The following CSMD1 variants were observed in gnomAD, a reference collection of about 807,000 sequenced individuals.
CSMD1 encodes the protein CUB and Sushi multiple domains 1.
A neutral mutation model predicts 417.5 loss-of-function variants in CSMD1; 213 were observed. The ratio of observed to expected loss-of-function variants is 0.51; its 90% confidence interval spans 0.46 to 0.57. CSMD1 has a LOEUF of 0.57. CSMD1 is among the 20% of genes least tolerant of loss of function. The pLI, the probability that CSMD1 is intolerant of heterozygous loss-of-function variation, is 0.00. For missense variants in CSMD1, 6,923 were observed against 4,529.7 expected, an observed-to-expected ratio of 1.53 and a Z score of -15.17; for synonymous variants, 2,862 against 1,736.8, an observed-to-expected ratio of 1.65 and a Z score of -16.11.
chr8:4,552,261 T>G (rs1180975106), intron 2 of CSMD1, among the ~76,000 whole-genome samples: 2 of 152,152 alleles, frequency 1.3e-5, no homozygotes. Flanking sequence ...TCTGCTGTGT[T>G]TCTGCTTCAG....
At chr8:4,477,474 T>C (rs1241793868) in intron 2 of CSMD1, among the ~76,000 whole-genome samples, 1 of 152,218 alleles carries the variant, frequency 6.6e-6, no homozygotes, top group African/African-American at 2.4e-5. Flanking sequence ...GATATTTATA[T>C]TTAATCACTA....
At chr8:3,799,305 G>T (rs1393961661) in intron 5 of CSMD1, among the ~76,000 whole-genome samples, 3 of 150,756 alleles carry the variant, frequency 2.0e-5, no homozygotes, top group Non-Finnish European at 4.4e-5. Flanking sequence ...GTGCAGGTTT[G>T]TTACATATGT....
intron 25 of CSMD1, among the ~76,000 whole-genome samples, chr8:3,286,649 C>A (rs1218750735): frequency 1.4e-5 from 2 of 141,446 alleles, no homozygotes; most frequent in Admixed American, 7.1e-5. Context: ...CTGTTCATAT[C>A]CTTCACCCAC....
intron 5 of CSMD1, among the ~76,000 whole-genome samples, chr8:3,990,987 G>A (rs891110886): frequency 2.0e-5 from 3 of 152,114 alleles, no homozygotes; most frequent in African/African-American, 7.2e-5. Flanking sequence ...AATGTGTCTT[G>A]CAAAAACACA....
At chr8:3,618,562 C>T (rs1014865554) in intron 7 of CSMD1, among the ~76,000 whole-genome samples, 1 of 151,330 alleles carries the variant, frequency 6.6e-6, no homozygotes, top group Non-Finnish European at 1.5e-5. Context: ...GTTTAATTTT[C>T]TCAATATTAT....
At chr8:3,173,357 T>C (rs987261212) in intron 37 of CSMD1, among the ~76,000 whole-genome samples, 3 of 152,164 alleles carry the variant, frequency 2.0e-5, no homozygotes, top group African/African-American at 7.2e-5. Context: ...TTACATTGTT[T>C]TAGATATTTC....
chr8:4,291,953 G>T (rs535886270), intron 3 of CSMD1, among the ~76,000 whole-genome samples: 1 of 152,146 alleles, frequency 6.6e-6, no homozygotes, highest in Non-Finnish European at 1.5e-5. Flanking sequence ...CAGGGAGCCT[G>T]GTGTCCAGAA....
chr8:3,796,926 G>C (rs1025078394), intron 5 of CSMD1, among the ~76,000 whole-genome samples: 8 of 151,614 alleles, frequency 5.3e-5, no homozygotes, highest in Non-Finnish European at 8.9e-5. Flanking sequence ...GCCTAATGAA[G>C]ATTTTGGTTA....
intron 2 of CSMD1, among the ~76,000 whole-genome samples, chr8:4,616,638 T>A (rs1272854018): frequency 2.0e-5 from 3 of 152,184 alleles, no homozygotes; most frequent in African/African-American, 4.8e-5. Context: ...CAGCTGACAT[T>A]GGACATGCCA....
At chr8:3,330,027 A>T (rs1806790346) in intron 23 of CSMD1, among the ~76,000 whole-genome samples, 3 of 152,160 alleles carry the variant, frequency 2.0e-5, no homozygotes. Context: ...GGAGGAATGG[A>T]CTGTATAAGA....
intron 12 of CSMD1, among the ~76,000 whole-genome samples, chr8:3,432,729 T>C (rs942161781): frequency 6.6e-6 from 1 of 152,098 alleles, no homozygotes; most frequent in Non-Finnish European, 1.5e-5. Flanking sequence ...TTGGCCAGGA[T>C]GGTCTTGCTC....
intron 2 of CSMD1, among the ~76,000 whole-genome samples, chr8:4,633,865 A>G (rs1802682802): frequency 6.6e-6 from 1 of 152,072 alleles, no homozygotes; most frequent in African/African-American, 2.4e-5. Context: ...TTAGCCCAAG[A>G]CATGTTAAAA....
intron 37 of CSMD1, among the ~76,000 whole-genome samples, chr8:3,180,744 C>T (rs553847209): frequency 5.9e-5 from 9 of 152,208 alleles, no homozygotes; most frequent in African/African-American, 2.2e-4. Flanking sequence ...ATTCTCCTGC[C>T]TCAGCCTCTT....
At chr8:4,826,390 G>C (rs144541682) in intron 1 of CSMD1, among the ~76,000 whole-genome samples, 247 of 152,226 alleles carry the variant, frequency 1.6e-3, no homozygotes, top group African/African-American at 5.8e-3. Context: ...TCCTGCATAT[G>C]CAACAGCATG....
intron 1 of CSMD1, among the ~76,000 whole-genome samples, chr8:4,843,429 G>A (rs994495609): frequency 4.9e-5 from 7 of 142,250 alleles, no homozygotes; most frequent in Admixed American, 1.3e-4. Context: ...TACATTTGGA[G>A]AGATTACAAC....
intron 5 of CSMD1, among the ~76,000 whole-genome samples, chr8:3,785,026 G>A (rs1706122803): frequency 1.3e-5 from 2 of 152,154 alleles, no homozygotes; most frequent in African/African-American, 4.8e-5. Context: ...TAAGTAGAGG[G>A]AGGGAATAGA....
chr8:3,820,254 T>G (rs915127453), intron 5 of CSMD1, among the ~76,000 whole-genome samples: 3 of 152,190 alleles, frequency 2.0e-5, no homozygotes, highest in African/African-American at 4.8e-5. Flanking sequence ...CCAGACCATG[T>G]GGCAAATGGG....
chr8:3,892,025 C>CG (rs1563183608), intron 5 of CSMD1, among the ~76,000 whole-genome samples: 1 of 23,236 alleles, frequency 4.3e-5, no homozygotes, highest in African/African-American at 1.3e-4. Flanking sequence ...TAGTCGCAAA[C>CG]AAAAAAAAAA....
chr8:3,144,435 A>C (rs1399489078), intron 40 of CSMD1, among the ~76,000 whole-genome samples: 1 of 152,162 alleles, frequency 6.6e-6, no homozygotes, highest in Non-Finnish European at 1.5e-5. Flanking sequence ...CTGAGGAGAC[A>C]AAATACAGAA....
Sources: gnomAD v4.1 joint callset for allele counts (sites outside exome capture counted in the v4.1 genomes callset) on GRCh38, gnomAD v4.1.1 for gene constraint, MANE v1.5 for transcripts, NCBI Gene and HGNC (gene_info 2026-07-23, HGNC 2026-07-21) for gene names.